The following IGF1R variants were observed in gnomAD, a reference collection of about 807,000 sequenced individuals.
IGF1R encodes insulin-like growth factor 1 receptor.
In IGF1R, 44 loss-of-function variants were observed where a neutral mutation model predicts 144.6. The observed-to-expected ratio is 0.30, with a 90% confidence interval of 0.24 to 0.39. The LOEUF is 0.39. IGF1R is among the 10% of genes least tolerant of loss of function. The pLI, the probability that IGF1R is intolerant of heterozygous loss-of-function variation, is 1.00. For missense variants in IGF1R, 1,355 were observed against 1,833.7 expected, an observed-to-expected ratio of 0.74 and a Z score of 4.77; for synonymous variants, 795 against 722.8, an observed-to-expected ratio of 1.10 and a Z score of -1.60.
At chr15:98,732,741 G>A in intron 2 of IGF1R, among the ~76,000 whole-genome samples, 1 of 152,214 alleles carries the variant, frequency 6.6e-6, no homozygotes, top group East Asian at 1.9e-4. Flanking sequence ...GAGTTTGACA[G>A]GGGAGAATGT....
At chr15:98,922,017 G>A (rs2151690409) in intron 10 of IGF1R, 131 bp from the exon 11 acceptor site, 1 of 915,668 alleles carries the variant, frequency 1.1e-6, no homozygotes, top group Non-Finnish European at 1.7e-6. Flanking sequence ...TTATTCATGA[G>A]TTCTTACCTA....
intron 1 of IGF1R, among the ~76,000 whole-genome samples, chr15:98,682,422 G>A (rs1176322040): frequency 6.6e-6 from 1 of 152,186 alleles, no homozygotes; most frequent in Non-Finnish European, 1.5e-5. Context: ...AGTGTCAGGT[G>A]TAATTATAAA....
chr15:98,746,959 T>G (rs1451017326), intron 2 of IGF1R, among the ~76,000 whole-genome samples: 1 of 152,216 alleles, frequency 6.6e-6, no homozygotes, highest in African/African-American at 2.4e-5. Flanking sequence ...ATCTCTTGAG[T>G]TGAACCTATG....
chr15:98,960,841 CAG>C lies in IGF1R; in HGVS notation c.*3403_*3404del, dbSNP rs35121870. 0.018 allele frequency: 4,196 copies of C among 233,872 alleles called. 59 individuals are homozygous for C. The highest frequency in any genetic ancestry group is 0.028 in the Non-Finnish European group (3,322 of 118,144). 14.5% of individuals were successfully genotyped at this position (233,872 alleles called of 1,614,324 possible). ...CCTCACCTCCTTCCCTAGGGGTAGA[CAG>C]AGATGTACCAAACCTTCCGGCTGGA... On this transcript the variant is annotated 3_prime_UTR_variant, in exon 21 of 21. Transcript: ENST00000650285.
intron 1 of IGF1R, among the ~76,000 whole-genome samples, chr15:98,677,360 C>T (rs2053074720): frequency 6.6e-6 from 1 of 152,198 alleles, no homozygotes; most frequent in South Asian, 2.1e-4. Context: ...TTTCAGTTGA[C>T]TCTTCCTAAT....
At chr15:98,922,592 C>T (rs2015536349) in intron 11 of IGF1R, 161 bp downstream of exon 11, 3 of 807,854 alleles carry the variant, frequency 3.7e-6, no homozygotes, top group African/African-American at 3.4e-5. Context: ...TGTAGACCAG[C>T]TGCCCAGGGA....
At position 98,959,987 on chromosome 15, in the gene IGF1R, G is replaced by A; in HGVS notation, c.*2545G>A. ...AAGGAAAGGGTGTGTGTGTGTGTAT[G>A]TGTGGGGTGTGTGTGTGTGAGAGTG... On this transcript the variant is annotated 3_prime_UTR_variant, in exon 21 of 21. Coordinates refer to ENST00000650285, the MANE Select transcript of IGF1R (RefSeq NM_000875.5). The A allele has an allele frequency of 4.3e-6, 1 of 232,876 alleles. No homozygotes were observed. The highest frequency in any genetic ancestry group is 8.5e-6 in the Non-Finnish European group (1 of 117,786). 14.4% of individuals were successfully genotyped at this position (232,876 alleles called of 1,614,324 possible).
intron 2 of IGF1R, among the ~76,000 whole-genome samples, chr15:98,871,592 TCA>T (rs767062490): frequency 3.9e-5 from 6 of 152,222 alleles, no homozygotes; most frequent in Non-Finnish European, 5.9e-5. Context: ...TTTATTGGAC[TCA>T]CAGTTTCATG....
At chr15:98,946,408 T>G (rs1220628143) in intron 19 of IGF1R, among the ~76,000 whole-genome samples, 2 of 152,172 alleles carry the variant, frequency 1.3e-5, no homozygotes, top group Admixed American at 6.5e-5. Context: ...TGATTAGAGC[T>G]GTGCTTGAAG....
chr15:98,825,632 C>T (rs1408216460), intron 2 of IGF1R, among the ~76,000 whole-genome samples: 1 of 152,156 alleles, frequency 6.6e-6, no homozygotes, highest in African/African-American at 2.4e-5. Flanking sequence ...CCATCCCTCT[C>T]CCCCACCCAT....
chr15:98,848,301 G>A (rs2011413015), intron 2 of IGF1R, among the ~76,000 whole-genome samples: 1 of 152,208 alleles, frequency 6.6e-6, no homozygotes, highest in Non-Finnish European at 1.5e-5. Context: ...GCAGAGCCTT[G>A]CAGTGATCAC....
chr15:98,749,976 G>A (rs996881063), intron 2 of IGF1R, among the ~76,000 whole-genome samples: 3 of 150,256 alleles, frequency 2.0e-5, no homozygotes, highest in Admixed American at 1.3e-4. Flanking sequence ...ATATTTGCTC[G>A]ACTTCTATCC....
At chr15:98,882,892 G>T (rs971856620) in intron 2 of IGF1R, among the ~76,000 whole-genome samples, 2 of 152,176 alleles carry the variant, frequency 1.3e-5, no homozygotes, top group Non-Finnish European at 2.9e-5. Context: ...AGAAAGGTGT[G>T]GTCCAGCCCC....
intron 1 of IGF1R, among the ~76,000 whole-genome samples, chr15:98,652,644 AAAG>A (rs1464703710): frequency 3.3e-5 from 5 of 152,236 alleles, no homozygotes; most frequent in African/African-American, 9.6e-5. Flanking sequence ...ACAAAAAGTG[AAAG>A]AAGTCAGTCA....
intron 1 of IGF1R, among the ~76,000 whole-genome samples, chr15:98,694,008 G>A (rs2053540650): frequency 6.6e-6 from 1 of 152,184 alleles, no homozygotes. Context: ...TTCTGACTTT[G>A]TCAGCATGCT....
At chr15:98,666,219 A>C (rs1298627270) in intron 1 of IGF1R, among the ~76,000 whole-genome samples, 1 of 152,190 alleles carries the variant, frequency 6.6e-6, no homozygotes, top group Non-Finnish European at 1.5e-5. Context: ...AGATGATAGC[A>C]AGCATAGGCC....
At position 98,830,605 on chromosome 15, in the gene IGF1R, C is replaced by CTTTTTTTTTTTTTTTTTT. The variant is rs60426791; in HGVS notation, c.641-60703_641-60702insTTTTTTTTTTTTTTTTTT. ...CATGGTTCCAACATCTGATCATCAT[C>CTTTTTTTTTTTTTTTTTT]TTTTTTTTTTTTTTTTTAGATGGAG... On this transcript the variant is annotated intron_variant, in intron 2 of 20. Coordinates refer to ENST00000650285, the MANE Select transcript of IGF1R (RefSeq NM_000875.5). 1.5e-5 allele frequency among the ~76,000 whole-genome samples: 2 copies of CTTTTTTTTTTTTTTTTTT among 135,980 alleles called. 1 individual carries two copies. The highest frequency in any genetic ancestry group is 5.7e-5 in the African/African-American group (2 of 35,332). 89.2% of individuals were successfully genotyped at this position (135,980 alleles called of 152,430 possible).
rs182126845 is a variant in IGF1R, at chr15:98,755,490, C to T, written c.640+47383C>T. ...GCATGGTGGCTCATGCCTGTAATCCCGGCAATTTGGGAGGCTGAAGTGGGT... is the reference window on the plus strand; with the variant it reads ...GCATGGTGGCTCATGCCTGTAATCCTGGCAATTTGGGAGGCTGAAGTGGGT... On this transcript the variant is annotated intron_variant, in intron 2 of 20. Transcript: ENST00000650285. 4.3e-3 allele frequency among the ~76,000 whole-genome samples: 651 copies of T among 151,756 alleles called. 2 individuals carry two copies. The highest frequency in any genetic ancestry group is 7.2e-3 in the Non-Finnish European group (489 of 67,952).
intron 2 of IGF1R, among the ~76,000 whole-genome samples, chr15:98,725,832 A>T (rs902614071): frequency 5.9e-5 from 9 of 152,230 alleles, no homozygotes; most frequent in Admixed American, 3.9e-4. Context: ...GGTGGCAGCA[A>T]GAGAAAATGT....
Sources: allele counts gnomAD v4.1 joint callset (sites outside exome capture counted in the v4.1 genomes callset), GRCh38; gene constraint gnomAD v4.1.1; transcripts MANE v1.5; gene names NCBI Gene and HGNC (gene_info 2026-07-23, HGNC 2026-07-21).